WDR59: variants seen among roughly 807,000 people sequenced by gnomAD.
The protein encoded by WDR59 is GATOR2 complex protein WDR59.
WDR59 carries 100 observed loss-of-function variants against 131.2 expected under a neutral mutation model. That is an observed-to-expected ratio of 0.76 (90% confidence interval 0.65 to 0.90). WDR59 has a LOEUF of 0.90. Among genes scored for constraint, WDR59 ranks in the 40% least tolerant of loss-of-function variants. The pLI, the probability that WDR59 is intolerant of heterozygous loss-of-function variation, is 0.00. For synonymous variants in WDR59, 601 were observed against 466.2 expected (o/e 1.29, Z -3.72); for missense variants, 1,203 against 1,262.2 (o/e 0.95, Z 0.71).
In WDR59 at chr16:74,880,099, T is replaced by A. The variant is rs374436234; in HGVS notation, c.2689+5554A>T. Among the ~76,000 whole-genome samples the A allele has an allele frequency of 2.0e-4, 31 of 152,240 alleles. No individual in the cohort carries two copies. In the East Asian group the frequency reaches 3.9e-3, roughly 19 times the overall value. ...CATGATATACATGGATAGATCAGAT[T>A]TACAGCCAAGGTCATGCCCAAAATG... On this transcript the variant is annotated intron_variant, in intron 25 of 25. Coordinates refer to ENST00000262144, the MANE Select transcript of WDR59 (RefSeq NM_030581.4).
At chr16:74,906,719 T>C (rs985890269) in intron 17 of WDR59, among the ~76,000 whole-genome samples, 11 of 152,170 alleles carry the variant, frequency 7.2e-5, no homozygotes, top group Non-Finnish European at 1.5e-4. Flanking sequence ...TAACATTAAG[T>C]TGAGCAAAGT....
chr16:74,977,414 C>G (rs533724945), intron 1 of WDR59, among the ~76,000 whole-genome samples: 1 of 152,066 alleles, frequency 6.6e-6, no homozygotes, highest in Non-Finnish European at 1.5e-5. Context: ...TGCAGCCGGG[C>G]GCGGTGGCTC....
chr16:74,882,352 C>T (rs1670316833), intron 25 of WDR59, among the ~76,000 whole-genome samples: 2 of 152,194 alleles, frequency 1.3e-5, no homozygotes, highest in African/African-American at 4.8e-5. Context: ...CTTTACATTT[C>T]TTCAAGTACG....
intron 10 of WDR59, among the ~76,000 whole-genome samples, chr16:74,918,322 T>C (rs909869083): frequency 1.3e-5 from 2 of 152,206 alleles, no homozygotes; most frequent in African/African-American, 4.8e-5. Flanking sequence ...GAAATCACAT[T>C]TGAGCAGAAA....
chr16:74,932,430 T>TACAC (rs34468583), intron 8 of WDR59, among the ~76,000 whole-genome samples: 1,554 of 144,186 alleles, frequency 0.011, 8 homozygotes, highest in Non-Finnish European at 0.013. Context: ...ACATAATTTT[T>TACAC]ACACACACAC....
intron 17 of WDR59, among the ~76,000 whole-genome samples, chr16:74,908,392 G>C (rs1050814358): frequency 6.6e-6 from 1 of 152,148 alleles, no homozygotes; most frequent in Admixed American, 6.5e-5. Context: ...ACTCCAGCCT[G>C]GGTGACAGAG....
chr16:74,904,423 G>T, intron 17 of WDR59: 1 of 236,736 alleles, frequency 4.2e-6, no homozygotes. Flanking sequence ...TATTTTAAAA[G>T]CTCATTTATA....
chr16:74,967,657 G>T (rs772689464), intron 1 of WDR59, among the ~76,000 whole-genome samples: 1 of 151,978 alleles, frequency 6.6e-6, no homozygotes, highest in Non-Finnish European at 1.5e-5. Context: ...TCAGAAGTTC[G>T]AGACCAGCCT....
intron 25 of WDR59, 78 bp downstream of exon 25, chr16:74,885,575 C>A: frequency 6.8e-7 from 1 of 1,470,044 alleles, no homozygotes; most frequent in Non-Finnish European, 9.0e-7. Context: ...AAACTTCATT[C>A]CAAGTCTGAG....
At chr16:74,902,711 A>G (rs1200957210) in intron 18 of WDR59, among the ~76,000 whole-genome samples, 1 of 152,188 alleles carries the variant, frequency 6.6e-6, no homozygotes, top group Non-Finnish European at 1.5e-5. Flanking sequence ...CCTGGCTTTC[A>G]TCTCAACAAA....
chr16:74,951,662 G>T, intron 3 of WDR59, 119 bp from the exon 4 acceptor site: 1 of 847,092 alleles, frequency 1.2e-6, no homozygotes, highest in Non-Finnish European at 1.9e-6. Context: ...GATCCTTCAG[G>T]CTGAACTTTT....
chr16:74,938,686 A>G (rs959545124), intron 7 of WDR59, among the ~76,000 whole-genome samples: 1 of 151,976 alleles, frequency 6.6e-6, no homozygotes, highest in African/African-American at 2.4e-5. Context: ...ACAGGTGCAC[A>G]CCACTAAGCC....
intron 25 of WDR59, among the ~76,000 whole-genome samples, chr16:74,883,174 A>G (rs147729722): frequency 0.017 from 2,644 of 151,324 alleles, 58 homozygotes; most frequent in African/African-American, 0.058. Flanking sequence ...ACAAGCACGC[A>G]CCACCACGCC....
At chr16:74,934,089 T>C (rs907066546) in intron 8 of WDR59, among the ~76,000 whole-genome samples, 3 of 149,356 alleles carry the variant, frequency 2.0e-5, no homozygotes, top group African/African-American at 7.4e-5. Context: ...ATTCTGCAGA[T>C]TTTTAATGAG....
chr16:74,940,996 G>A (rs981874226), intron 7 of WDR59, among the ~76,000 whole-genome samples: 2 of 151,762 alleles, frequency 1.3e-5, no homozygotes, highest in Non-Finnish European at 1.5e-5. Flanking sequence ...GAGCCACCGC[G>A]CCCAGCCGAA....
At chr16:74,919,416 C>G (rs982533410) in intron 10 of WDR59, among the ~76,000 whole-genome samples, 24 of 151,978 alleles carry the variant, frequency 1.6e-4, no homozygotes, top group African/African-American at 5.8e-4. Context: ...CTGCAACAAC[C>G]TGCACCTCCT....
rs763888825 is a variant in WDR59, at chr16:74,912,218, T to C, written c.1369A>G (p.Met457Val). The change falls in exon 14 of 26, where the codon ATG becomes GTG. Residue 457 changes from methionine (M) to valine (V), a missense_variant. By Grantham distance (21) the Met-to-Val change is conservative. Transcript: ENST00000262144. ...CCCACCTTCAGCAGCTTAGCTTTCA[T>C]GGTGGATGTGATGGTTGTGGGGTTA... is the stretch of plus-strand genomic sequence containing the variant. ...FINPTTITST[M>V]KAKLLKILKD... is the part of the protein sequence containing the mutation. The C allele has an allele frequency of 6.2e-7, 1 of 1,614,174 alleles. No homozygotes were observed. The highest frequency in any genetic ancestry group is 2.2e-5 in the East Asian group (1 of 44,886).
At chr16:74,930,194 T>C (rs2031253957) in intron 8 of WDR59, among the ~76,000 whole-genome samples, 1 of 152,186 alleles carries the variant, frequency 6.6e-6, no homozygotes, top group Admixed American at 6.5e-5. Context: ...TGAAAGGGTA[T>C]GATTAGAATG....
At chr16:74,957,676 T>A (rs1300516852) in intron 2 of WDR59, among the ~76,000 whole-genome samples, 2 of 152,194 alleles carry the variant, frequency 1.3e-5, no homozygotes, top group African/African-American at 4.8e-5. Context: ...TCACCTATTT[T>A]CTTTTTAAGT....
Sources: gnomAD v4.1 joint callset for allele counts (sites outside exome capture counted in the v4.1 genomes callset) on GRCh38, gnomAD v4.1.1 for gene constraint, MANE v1.5 for transcripts, NCBI Gene and HGNC (gene_info 2026-07-23, HGNC 2026-07-21) for gene names.